The following HDGFL2 variants were observed in gnomAD, a reference collection of about 807,000 sequenced individuals.
The protein encoded by HDGFL2 is HDGF like 2, also known as hepatoma-derived growth factor-related protein 2.
HDGFL2 carries 36 observed loss-of-function variants against 77.1 expected under a neutral mutation model. The ratio of observed to expected loss-of-function variants is 0.47; its 90% CI spans 0.36 to 0.62. The LOEUF is 0.62. Ranked by LOEUF, HDGFL2 falls within the 20% of genes least tolerant of loss-of-function variation. HDGFL2 has a pLI of 0.00. For missense variants in HDGFL2, 976 were observed against 973.4 expected (o/e 1.00, Z -0.04); for synonymous variants, 463 against 413.1 (o/e 1.12, Z -1.46).
intron 13 of HDGFL2, 67 bp from the exon 14 acceptor site, chr19:4,499,424 A>AGG: frequency 6.9e-7 from 1 of 1,451,644 alleles, no homozygotes; most frequent in Non-Finnish European, 9.4e-7. Flanking sequence ...TGCTGGGGCG[A>AGG]GGGGTTCAGA....
chr19:4,491,631 C>T lies in HDGFL2; in HGVS notation c.555C>T (p.Ser185=), dbSNP rs370237915. 5.6e-5 allele frequency: 90 copies of T among 1,613,874 alleles called. No homozygotes were observed. Among genetic ancestry groups the T allele is most frequent in the Non-Finnish European group, 6.9e-5 (81 of 1,180,020 alleles). ...TGGATCAGGCCAGCGTGTCCCCATC[C>T]GAAGAGGAGAACTCGGAAAGCTCAT... ...SDLDQASVSP[S]EEENSESSSE... Residue 185 remains serine, a synonymous_variant, in exon 5 of 16, where the codon TCC becomes TCT. Transcript: ENST00000616600.
At chr19:4,488,039 C>T (rs893645644) in intron 3 of HDGFL2, among the ~76,000 whole-genome samples, 4 of 151,854 alleles carry the variant, frequency 2.6e-5, no homozygotes, top group East Asian at 1.9e-4. Flanking sequence ...GGCGTGATCT[C>T]GGCTCACTGC....
intron 4 of HDGFL2, among the ~76,000 whole-genome samples, chr19:4,491,028 T>G (rs192927876): frequency 6.6e-5 from 10 of 152,206 alleles, no homozygotes; most frequent in Admixed American, 2.6e-4. Flanking sequence ...CAGGCTGGTC[T>G]CAAACTCCCG....
intron 6 of HDGFL2, among the ~76,000 whole-genome samples, chr19:4,492,969 GGT>G (rs766504628): frequency 1.5e-4 from 20 of 133,406 alleles, no homozygotes; most frequent in Middle Eastern, 5.2e-3. Context: ...AGTTGTCTGT[GGT>G]GTGTGGTGTC....
chr19:4,500,512 G>A (rs1469292778), intron 14 of HDGFL2, among the ~76,000 whole-genome samples: 1 of 144,770 alleles, frequency 6.9e-6, no homozygotes, highest in Admixed American at 7.1e-5. Context: ...CCAGGCTGGA[G>A]TGCAGTAGCG....
At chr19:4,491,961 G>A (rs1477533151) in intron 6 of HDGFL2, 126 bp downstream of exon 6, 3 of 834,180 alleles carry the variant, frequency 3.6e-6, no homozygotes, top group South Asian at 1.6e-5. Flanking sequence ...GGGTACCCGA[G>A]GGGACCGCCT....
Position 4,475,371 on chromosome 19 carries a change from G to C in HDGFL2, c.149+20G>C, listed in dbSNP as rs930922482. ...CGAAACGTAAGTGTCCCCTTCTGGG[G>C]CTTGGTTTTCTCCTCTGGTGCCTCC... On this transcript the variant is annotated intron_variant, in intron 2 of 15. Transcript: ENST00000616600. 3.1e-6 allele frequency: 5 copies of C among 1,613,946 alleles called. No homozygotes were observed. Among genetic ancestry groups the C allele is most frequent in the Non-Finnish European group, 4.2e-6 (5 of 1,179,980 alleles).
chr19:4,488,924 G>A, intron 4 of HDGFL2, 48 bp downstream of exon 4: 8 of 1,312,882 alleles, frequency 6.1e-6, no homozygotes, highest in Non-Finnish European at 8.5e-6. Flanking sequence ...TTGCCCTGAT[G>A]TCTCGCCTGG....
chr19:4,472,463 G>GTT, intron 1 of HDGFL2, 41 bp downstream of exon 1: 5 of 284,648 alleles, frequency 1.8e-5, no homozygotes, highest in East Asian at 5.1e-5. Context: ...GGGGGGGGGG[G>GTT]GGGGCAGCGG....
At chr19:4,472,450 TGGGGGGGGGGGGG>T in intron 1 of HDGFL2, 28 bp downstream of exon 1, 8 of 280,510 alleles carry the variant, frequency 2.9e-5, no homozygotes, top group Non-Finnish European at 4.7e-5. Context: ...ATGGGGCCGG[TGGGGGGGGGGGGG>T]GGGGCAGCGG....
rs1975764978 is a variant in HDGFL2, at chr19:4,498,358, C to T, written c.1455C>T (p.Ala485=). The T allele has an allele frequency of 8.7e-6, 14 of 1,613,598 alleles. No homozygotes were observed. The highest frequency in any genetic ancestry group is 1.3e-5 in the African/African-American group (1 of 74,938). ...AGCTGCACAGTGAGATCAAGTTTGC[C>T]CTAAAGGTCGACAGCCCGGTAAGAC... ...LQKLHSEIKF[A]LKVDSPDVKR... Residue 485 remains alanine, a synonymous_variant, in exon 12 of 16, where the codon GCC becomes GCT. Coordinates refer to ENST00000616600, the MANE Select transcript of HDGFL2 (RefSeq NM_001001520.3).
intron 3 of HDGFL2, 55 bp downstream of exon 3, chr19:4,475,638 G>A: frequency 6.6e-7 from 1 of 1,521,372 alleles, no homozygotes; most frequent in Non-Finnish European, 8.8e-7. Flanking sequence ...GCAAGAAGGG[G>A]CCTCCAGTTA....
Position 4,472,360 on chromosome 19 carries a change from G to C in HDGFL2, c.10G>C (p.Ala4Pro), listed in dbSNP as rs1459381755. Residue 4 changes from alanine (A) to proline (P), a missense_variant, in exon 1 of 16, where the codon GCC (alanine) becomes CCC (proline). Ala to Pro is a conservative substitution (Grantham distance 27). This residue lies in a region of HDGFL2 where 31 missense variants were observed against 24.3 expected (regional missense o/e 1.27). Coordinates refer to ENST00000616600, the MANE Select transcript of HDGFL2 (RefSeq NM_001001520.3). ...GCCTCTCGCCGTCAGCATGCCACACGCCTTCAAGCCCGGGGACTTGGTGTT... is the reference window on the plus strand; with the variant it reads ...GCCTCTCGCCGTCAGCATGCCACACCCCTTCAAGCCCGGGGACTTGGTGTT... MPH[A>P]FKPGDLVFAK... 1.0e-5 allele frequency: 15 copies of C among 1,493,784 alleles called. No homozygotes were observed. The highest frequency in any genetic ancestry group is 1.3e-5 in the Non-Finnish European group (15 of 1,119,526). 92.5% of individuals were successfully genotyped at this position (1,493,784 alleles called of 1,614,324 possible). A position where few individuals can be genotyped will look rare whatever the true frequency, so the allele number is the denominator to read the frequency against.
chr19:4,486,970 CTCT>C (rs1276103186), intron 3 of HDGFL2, among the ~76,000 whole-genome samples: 3 of 150,186 alleles, frequency 2.0e-5, no homozygotes, highest in Admixed American at 2.0e-4. Flanking sequence ...TCCTCTCTCT[CTCT>C]TTTTTTTTTT....
At chr19:4,499,441 G>T (rs770293461) in intron 13 of HDGFL2, 50 bp from the exon 14 acceptor site, 2 of 1,567,466 alleles carry the variant, frequency 1.3e-6, no homozygotes, top group Non-Finnish European at 1.7e-6. Flanking sequence ...CAGAGCCGGG[G>T]CTAGGGCCGC....
At chr19:4,480,569 A>C (rs1975187561) in intron 3 of HDGFL2, among the ~76,000 whole-genome samples, 1 of 152,208 alleles carries the variant, frequency 6.6e-6, no homozygotes, top group Non-Finnish European at 1.5e-5. Context: ...AAATGCAAAA[A>C]TTAGCTGGGC....
rs754785227 is a variant in HDGFL2 at position 4,491,663 on chromosome 19, C to T, written c.587C>T (p.Ser196Leu). Reference sequence around the variant, plus strand: ...GAGAACTCGGAAAGCTCATCTGAGTCGGAGAAGACCAGCGACCAGGTGGGC... The same window carrying T: ...GAGAACTCGGAAAGCTCATCTGAGTTGGAGAAGACCAGCGACCAGGTGGGC... ...EEENSESSSE[S>L]EKTSDQDFTP... The change falls in exon 5 of 16, where the codon TCG (serine) becomes TTG (leucine). Residue 196 changes from serine (S) to leucine (L), a missense_variant. By Grantham distance (145) the Ser-to-Leu change is moderately radical (BLOSUM62 -2). This residue lies in a region of HDGFL2 where 567 missense variants were observed against 534.7 expected (regional missense o/e 1.06). Transcript: ENST00000616600. The T allele has an allele frequency of 1.9e-5, 30 of 1,613,930 alleles. No individual in the cohort carries two copies. Among genetic ancestry groups the T allele is most frequent in the South Asian group, 2.2e-5 (2 of 91,080 alleles).
Position 4,494,190 on chromosome 19 carries a change from C to A in HDGFL2, c.939C>A (p.Ile313=), listed in dbSNP as rs775418623. Residue 313 remains isoleucine, a synonymous_variant, in exon 9 of 16, where the codon ATC becomes ATA. Transcript: ENST00000616600. ...GTGACAGCGACGAGGTGGACCGCATCAGTGAGTGGAAGCGGCGGGACGAGG... is the reference window on the plus strand; with the variant it reads ...GTGACAGCGACGAGGTGGACCGCATAAGTGAGTGGAAGCGGCGGGACGAGG... ...SDSDSDEVDR[I]SEWKRRDEAR... 1 of 1,493,018 alleles carries A rather than the reference C, an allele frequency of 6.7e-7. No homozygotes were observed. Among genetic ancestry groups the A allele is most frequent in the Non-Finnish European group, 8.9e-7 (1 of 1,125,306 alleles). The allele number at this position is 1,493,018 out of a possible 1,614,324, so 92.5% of individuals were successfully genotyped here.
Position 4,502,132 on chromosome 19 carries a change from G to T in HDGFL2, c.*122G>T, listed in dbSNP as rs1975924738. The T allele has an allele frequency of 1.3e-6, 1 of 773,408 alleles. No homozygotes were observed. The highest frequency in any genetic ancestry group is 1.7e-5 in the African/African-American group (1 of 58,416). 47.9% of individuals were successfully genotyped at this position (773,408 alleles called of 1,614,324 possible). A position where few individuals can be genotyped will look rare whatever the true frequency, so the allele number is the denominator to read the frequency against. On this transcript the variant is annotated 3_prime_UTR_variant, in exon 16 of 16. Coordinates refer to ENST00000616600, the MANE Select transcript of HDGFL2 (RefSeq NM_001001520.3). ...TGTGCTGTTTGTATTTGTTCCCTTG[G>T]GTTTTTTTTTCCTGCCTAATTTCTG...
Sources: gnomAD v4.1 joint callset for allele counts (sites outside exome capture counted in the v4.1 genomes callset) on GRCh38, gnomAD v4.1.1 for gene constraint, gnomAD v4.1.1 regional missense constraint, MANE v1.5 for transcripts, NCBI Gene and HGNC (gene_info 2026-07-23, HGNC 2026-07-21) for gene names.